SLC9A9: variants seen among roughly 807,000 people sequenced by gnomAD.
SLC9A9 encodes sodium/hydrogen exchanger 9.
In SLC9A9, 62 loss-of-function variants were observed where a neutral mutation model predicts 77.8. That is an observed-to-expected ratio of 0.80 (90% CI 0.65 to 0.98). The LOEUF (loss-of-function observed/expected upper bound fraction) is 0.98, where lower values mean the gene tolerates loss of function less well. SLC9A9 is among the 50% of genes least tolerant of loss of function. SLC9A9 has a pLI of 0.00. For missense variants in SLC9A9, 775 were observed against 774.9 expected (o/e 1.00, Z 0.00); for synonymous variants, 320 against 283.5 (o/e 1.13, Z -1.29).
intron 9 of SLC9A9, 56 bp downstream of exon 9, chr3:143,552,306 A>C (rs1020545881): frequency 7.8e-7 from 1 of 1,289,142 alleles, no homozygotes; most frequent in African/African-American, 1.5e-5. Context: ...CAGAATTGCT[A>C]CATAACCATT....
At chr3:143,410,182 C>T (rs2034065516) in intron 12 of SLC9A9, among the ~76,000 whole-genome samples, 1 of 152,144 alleles carries the variant, frequency 6.6e-6, no homozygotes, top group Non-Finnish European at 1.5e-5. Flanking sequence ...ACATCAGGGC[C>T]CACACTGGAC....
At chr3:143,309,170 G>C (rs1412131578) in intron 14 of SLC9A9, among the ~76,000 whole-genome samples, 1 of 152,134 alleles carries the variant, frequency 6.6e-6, no homozygotes, top group Non-Finnish European at 1.5e-5. Context: ...AGGATTCTTA[G>C]ATTATTTCTA....
chr3:143,754,211 C>T (rs1022695312), intron 4 of SLC9A9, among the ~76,000 whole-genome samples: 5 of 152,176 alleles, frequency 3.3e-5, no homozygotes, highest in African/African-American at 1.2e-4. Context: ...CAAAACATAA[C>T]CATGGCAATG....
At chr3:143,367,572 G>A (rs2032945805) in intron 13 of SLC9A9, among the ~76,000 whole-genome samples, 1 of 152,176 alleles carries the variant, frequency 6.6e-6, no homozygotes, top group African/African-American at 2.4e-5. Context: ...CTTGTGCACT[G>A]AGGGTTGAAG....
intron 6 of SLC9A9, among the ~76,000 whole-genome samples, chr3:143,634,240 T>A (rs2038476878): frequency 6.6e-6 from 1 of 152,178 alleles, no homozygotes; most frequent in Non-Finnish European, 1.5e-5. Context: ...GTCCTTTATG[T>A]CTATCTATTT....
In SLC9A9 at chr3:143,578,596, T is replaced by C; in HGVS notation, c.883A>G (p.Ile295Val). 1 of 1,613,988 alleles carries C rather than the reference T, an allele frequency of 6.2e-7. No homozygotes were observed. Residue 295 changes from isoleucine (I) to valine (V), a missense_variant, in exon 7 of 16, where the codon ATC becomes GTC. Ile to Val is a conservative substitution (Grantham distance 29). Transcript: ENST00000316549. The stretch of plus-strand genomic sequence containing the variant: ...CAGACAAAGGATATCAGTGCTGTGA[T>C]GATGGCATACGCAGACCCCATTGCA... ...SFAMGSAYAI[I>V]TALLTKFTKL...
At chr3:143,479,416 T>TA (rs912843277) in intron 11 of SLC9A9, among the ~76,000 whole-genome samples, 2 of 148,324 alleles carry the variant, frequency 1.3e-5, no homozygotes, top group African/African-American at 2.5e-5. Flanking sequence ...CCTGCCTAAT[T>TA]AAAAAAAAAT....
At position 143,462,216 on chromosome 3, in the gene SLC9A9, T is replaced by A. The variant is rs2035205704; in HGVS notation, c.1469+4821A>T. ...ACCTCATCTCTGCTAAAAATAATTT[T>A]AAAAAGATTAGCTGGGCATGGTGGT... On this transcript the variant is annotated intron_variant, in intron 12 of 15. Transcript: ENST00000316549. 2.6e-5 allele frequency among the ~76,000 whole-genome samples: 4 copies of A among 152,048 alleles called. No homozygotes were observed. In the South Asian group the frequency reaches 8.3e-4, roughly 32 times the overall value.
chr3:143,584,717 A>G (rs2037513430), intron 6 of SLC9A9, among the ~76,000 whole-genome samples: 1 of 152,210 alleles, frequency 6.6e-6, no homozygotes, highest in African/African-American at 2.4e-5. Flanking sequence ...GCTGTACTAT[A>G]TCAAATCCCC....
chr3:143,369,152 C>T (rs1158981985), intron 13 of SLC9A9, among the ~76,000 whole-genome samples: 1 of 152,074 alleles, frequency 6.6e-6, no homozygotes, highest in East Asian at 1.9e-4. Context: ...AGGGCTTGGT[C>T]CAGGTAACTT....
At chr3:143,441,391 A>G (rs1292775657) in intron 12 of SLC9A9, among the ~76,000 whole-genome samples, 1 of 152,188 alleles carries the variant, frequency 6.6e-6, no homozygotes, top group Admixed American at 6.5e-5. Flanking sequence ...CCTCACAGAA[A>G]ACCTCAGATA....
At chr3:143,376,662 T>C (rs1198044162) in intron 13 of SLC9A9, among the ~76,000 whole-genome samples, 2 of 152,216 alleles carry the variant, frequency 1.3e-5, no homozygotes, top group Non-Finnish European at 2.9e-5. Flanking sequence ...GATAAAAATA[T>C]AGAATTTAGA....
At chr3:143,466,622 T>C (rs571683871) in intron 12 of SLC9A9, among the ~76,000 whole-genome samples, 1 of 152,306 alleles carries the variant, frequency 6.6e-6, no homozygotes, top group Admixed American at 6.5e-5. Flanking sequence ...GTAAGTGCGG[T>C]GAGGAATTAA....
chr3:143,794,342 G>A (rs1171814089), intron 4 of SLC9A9, among the ~76,000 whole-genome samples: 3 of 151,796 alleles, frequency 2.0e-5, no homozygotes, highest in African/African-American at 4.8e-5. Context: ...TTCCTGCAGT[G>A]GAGCTTTAAT....
At position 143,505,027 on chromosome 3, in the gene SLC9A9, CAG is replaced by C. The variant is rs199746019; in HGVS notation, c.1090-9581_1090-9580del. 3.9e-5 allele frequency among the ~76,000 whole-genome samples: 6 copies of C among 152,054 alleles called. No homozygotes were observed. The East Asian group carries it at 1.2e-3, about 29-fold the overall frequency. On this transcript the variant is annotated intron_variant, in intron 9 of 15. Transcript: ENST00000316549. ...ATCTTGTTTGATCATCGGAACAAGT[CAG>C]GGGTTGGCAGGGAAGATATCAGTGA...
chr3:143,491,745 A>G (rs1446780816), intron 11 of SLC9A9, among the ~76,000 whole-genome samples: 1 of 152,210 alleles, frequency 6.6e-6, no homozygotes, highest in Non-Finnish European at 1.5e-5. Context: ...TTTTTCTCAA[A>G]GCATTGTTTG....
intron 9 of SLC9A9, among the ~76,000 whole-genome samples, chr3:143,505,187 A>T (rs1468972823): frequency 6.6e-6 from 1 of 151,884 alleles, no homozygotes; most frequent in East Asian, 1.9e-4. Flanking sequence ...ATCACCACTC[A>T]CCCATCCAAG....
chr3:143,456,569 T>C (rs1205023853), intron 12 of SLC9A9, among the ~76,000 whole-genome samples: 1 of 73,936 alleles, frequency 1.4e-5, no homozygotes, highest in African/African-American at 1.3e-4. Context: ...TCTTTCTTTC[T>C]TTTTTTTTTT....
chr3:143,325,952 T>C (rs1414558885), intron 14 of SLC9A9, among the ~76,000 whole-genome samples: 3 of 152,214 alleles, frequency 2.0e-5, no homozygotes, highest in Admixed American at 1.3e-4. Flanking sequence ...ATTGTTCATA[T>C]CTGTTTTTTA....
Sources: allele counts gnomAD v4.1 joint callset (sites outside exome capture counted in the v4.1 genomes callset), GRCh38; gene constraint gnomAD v4.1.1; transcripts MANE v1.5; gene names NCBI Gene and HGNC (gene_info 2026-07-23, HGNC 2026-07-21).